DCLK1: variants seen among roughly 807,000 people sequenced by gnomAD.
The protein encoded by DCLK1 is doublecortin like kinase 1, also known as serine/threonine-protein kinase DCLK1.
A neutral mutation model predicts 86.2 loss-of-function variants in DCLK1; 16 were observed. The ratio of observed to expected loss-of-function variants is 0.19; its 90% CI spans 0.13 to 0.28. DCLK1 has a LOEUF of 0.28. Among genes scored for constraint, DCLK1 ranks in the 10% least tolerant of loss-of-function variants. The probability of loss-of-function intolerance (pLI) is 1.00; values close to 1 mark genes in which losing one functional copy is unlikely to be tolerated. For missense variants in DCLK1, 590 were observed against 940.2 expected (o/e 0.63, Z 4.87); for synonymous variants, 369 against 370.5 (o/e 1.00, Z 0.05).
chr13:35,863,272 T>C (rs1178504675), intron 5 of DCLK1, among the ~76,000 whole-genome samples: 1 of 152,168 alleles, frequency 6.6e-6, no homozygotes, highest in Non-Finnish European at 1.5e-5. Context: ...CTCCCTACTA[T>C]AATATAAGCA....
chr13:36,032,064 T>C (rs2153153391), intron 3 of DCLK1, among the ~76,000 whole-genome samples: 1 of 152,364 alleles, frequency 6.6e-6, no homozygotes, highest in Non-Finnish European at 1.5e-5. Context: ...CCACAGTGGG[T>C]TGTCAACTGT....
Position 36,060,270 on chromosome 13 carries a change from C to A in DCLK1, c.723+51599G>T, listed in dbSNP as rs993229498. On this transcript the variant is annotated intron_variant, in intron 3 of 16. Transcript: ENST00000360631. ...TCTAAATTCCATTTTCTTAGTATAA[C>A]AAAATGCCTATTAATCAACAATTCA... 2.0e-5 allele frequency among the ~76,000 whole-genome samples: 3 copies of A among 152,148 alleles called. No individual in the cohort carries two copies. In the East Asian group the frequency reaches 5.8e-4, roughly 29 times the overall value.
At chr13:36,123,942 C>T (rs1886077450) in intron 2 of DCLK1, among the ~76,000 whole-genome samples, 1 of 152,200 alleles carries the variant, frequency 6.6e-6, no homozygotes, top group Admixed American at 6.5e-5. Flanking sequence ...AGACCCTCTC[C>T]TTGGTGGATG....
intron 4 of DCLK1, among the ~76,000 whole-genome samples, chr13:35,920,643 G>C (rs1875743150): frequency 6.6e-6 from 1 of 152,086 alleles, no homozygotes; most frequent in Non-Finnish European, 1.5e-5. Flanking sequence ...GGGTGTTCTT[G>C]GTCCTACACA....
intron 3 of DCLK1, among the ~76,000 whole-genome samples, chr13:36,081,352 T>A (rs1363092687): frequency 6.6e-6 from 1 of 151,938 alleles, no homozygotes; most frequent in Non-Finnish European, 1.5e-5. Context: ...ACTTAGTGCA[T>A]CACTAAGTAA....
chr13:35,902,615 A>C (rs1404999770), intron 4 of DCLK1, among the ~76,000 whole-genome samples: 4 of 152,330 alleles, frequency 2.6e-5, no homozygotes, highest in African/African-American at 9.6e-5. Flanking sequence ...GGTGACACTA[A>C]TTAACAGAAT....
intron 3 of DCLK1, among the ~76,000 whole-genome samples, chr13:36,111,589 A>C (rs961785288): frequency 6.6e-6 from 1 of 152,230 alleles, no homozygotes; most frequent in African/African-American, 2.4e-5. Flanking sequence ...AGATGACAGA[A>C]AAGAATCATT....
At chr13:35,872,249 C>G (rs774244639) in intron 4 of DCLK1, among the ~76,000 whole-genome samples, 5 of 152,142 alleles carry the variant, frequency 3.3e-5, no homozygotes. Flanking sequence ...CCCCAATAAC[C>G]CATGATCAAA....
Position 35,828,234 on chromosome 13 carries a change from C to T in DCLK1, c.1287+16G>A, listed in dbSNP as rs1868647719. 1 of 1,605,370 alleles carries T rather than the reference C, an allele frequency of 6.2e-7. No homozygotes were observed. The highest frequency in any genetic ancestry group is 1.7e-4 in the Middle Eastern group (1 of 6,034). ...CTTGAACACTCTTATCTCATAAGAA[C>T]AAATTTTATACATACTTTGCCTCGA... is the stretch of plus-strand genomic sequence containing the variant. On this transcript the variant is annotated intron_variant, in intron 9 of 16. Transcript: ENST00000360631.
chr13:36,101,682 G>C (rs1256972318), intron 3 of DCLK1, among the ~76,000 whole-genome samples: 1 of 152,034 alleles, frequency 6.6e-6, no homozygotes. Context: ...CCTGCTCCCT[G>C]GTGGCCTTGC....
chr13:35,914,348 T>C (rs895332439), intron 4 of DCLK1, among the ~76,000 whole-genome samples: 4 of 85,366 alleles, frequency 4.7e-5, no homozygotes, highest in African/African-American at 1.1e-4. Context: ...TATATATATA[T>C]ACATATATAT....
chr13:35,893,356 C>T (rs1295856802), intron 4 of DCLK1, among the ~76,000 whole-genome samples: 2 of 152,146 alleles, frequency 1.3e-5, no homozygotes, highest in Non-Finnish European at 2.9e-5. Flanking sequence ...GAATAAAACC[C>T]CGTTTCTATC....
intron 2 of DCLK1, among the ~76,000 whole-genome samples, chr13:36,124,320 A>C (rs998984998): frequency 2.0e-5 from 3 of 152,218 alleles, no homozygotes; most frequent in Non-Finnish European, 4.4e-5. Context: ...CTTCTCCTTT[A>C]ATTTACTGGA....
chr13:36,108,317 T>A (rs370682794), intron 3 of DCLK1, among the ~76,000 whole-genome samples: 84 of 152,368 alleles, frequency 5.5e-4, no homozygotes, highest in African/African-American at 1.9e-3. Context: ...ACGGTCATCT[T>A]GGCCAATTGC....
chr13:35,884,155 A>C (rs1439952319), intron 4 of DCLK1, among the ~76,000 whole-genome samples: 2 of 152,188 alleles, frequency 1.3e-5, no homozygotes, highest in African/African-American at 4.8e-5. Flanking sequence ...TTACCAAGGG[A>C]AATCCAGAGG....
rs368702742 is a variant in DCLK1 at position 35,892,810 on chromosome 13, AAC to A, written c.824-21472_824-21471del. On this transcript the variant is annotated intron_variant, in intron 4 of 16. Transcript: ENST00000360631. ...CATTGTCTGGTAGCCCCTCCTGTTA[AAC>A]ACCTCTGGATCTTTACCTGTTCACT... is the stretch of plus-strand genomic sequence containing the variant. 1.7e-3 allele frequency among the ~76,000 whole-genome samples: 256 copies of A among 152,286 alleles called. 2 individuals carry two copies. The highest frequency in any genetic ancestry group is 5.8e-3 in the African/African-American group (243 of 41,560).
intron 3 of DCLK1, among the ~76,000 whole-genome samples, chr13:35,949,806 C>T (rs561956328): frequency 3.4e-5 from 5 of 146,684 alleles, no homozygotes; most frequent in African/African-American, 1.2e-4. Flanking sequence ...ACAGAACAAA[C>T]AATGATCCAT....
intron 4 of DCLK1, among the ~76,000 whole-genome samples, chr13:35,886,075 A>T (rs1750895): frequency 6.8e-6 from 1 of 146,122 alleles, no homozygotes; most frequent in Non-Finnish European, 1.5e-5. Context: ...GCAGTGGTGC[A>T]ATCTCGGCTC....
chr13:35,897,057 T>C (rs1874049207), intron 4 of DCLK1, among the ~76,000 whole-genome samples: 1 of 152,064 alleles, frequency 6.6e-6, no homozygotes, highest in African/African-American at 2.4e-5. Context: ...GAAGGAGAAC[T>C]GCCAGCCATT....
Sources: gnomAD v4.1 joint callset for allele counts (sites outside exome capture counted in the v4.1 genomes callset) on GRCh38, gnomAD v4.1.1 for gene constraint, MANE v1.5 for transcripts, NCBI Gene and HGNC (gene_info 2026-07-23, HGNC 2026-07-21) for gene names.